HERC4: variants seen among roughly 807,000 people sequenced by gnomAD.
The protein encoded by HERC4 is HECT and RLD domain containing E3 ubiquitin protein ligase 4.
HERC4 carries 28 observed loss-of-function variants against 124.3 expected under a neutral mutation model. That is an observed-to-expected ratio of 0.23 (90% CI 0.17 to 0.31). The LOEUF is 0.31. Ranked by LOEUF, HERC4 falls within the 10% of genes least tolerant of loss-of-function variation. The pLI is 1.00. For synonymous variants in HERC4, 407 were observed against 421.5 expected (o/e 0.97, Z 0.42); for missense variants, 713 against 1,229.3 (o/e 0.58, Z 6.28).
intron 21 of HERC4, among the ~76,000 whole-genome samples, chr10:67,937,554 AAAG>A (rs1381706898): frequency 6.6e-6 from 1 of 152,220 alleles, no homozygotes; most frequent in Non-Finnish European, 1.5e-5. Flanking sequence ...ATCAAATAAA[AAAG>A]AACCAAAATT....
chr10:67,983,780 C>G (rs1183778246), intron 15 of HERC4, among the ~76,000 whole-genome samples: 2 of 86,590 alleles, frequency 2.3e-5, no homozygotes, highest in African/African-American at 9.4e-5. Context: ...GAGGAAGACT[C>G]TGTCTCAAAA....
intron 3 of HERC4, among the ~76,000 whole-genome samples, chr10:68,062,801 C>A (rs1434157492): frequency 3.3e-5 from 5 of 151,972 alleles, no homozygotes; most frequent in Admixed American, 2.0e-4. Flanking sequence ...ACCATCACAG[C>A]CTAACTATTT....
At chr10:67,955,640 G>A (rs1437676934) in intron 17 of HERC4, 1 of 152,636 alleles carries the variant, frequency 6.6e-6, no homozygotes. Flanking sequence ...GCGTGGTGGT[G>A]TGTGCCTGTA....
intron 15 of HERC4, among the ~76,000 whole-genome samples, chr10:67,977,971 A>G (rs560854886): frequency 6.8e-6 from 1 of 147,850 alleles, no homozygotes; most frequent in Admixed American, 6.7e-5. Context: ...ATAGAGCCAG[A>G]CCTTGTCTCA....
At chr10:67,925,869 G>C (rs1280256196) in intron 23 of HERC4, among the ~76,000 whole-genome samples, 2 of 152,152 alleles carry the variant, frequency 1.3e-5, no homozygotes, top group Admixed American at 6.5e-5. Flanking sequence ...ATGTGAGTAA[G>C]CCACCTTGGA....
chr10:67,933,772 T>C (rs2032072735), intron 22 of HERC4, among the ~76,000 whole-genome samples: 1 of 152,218 alleles, frequency 6.6e-6, no homozygotes, highest in African/African-American at 2.4e-5. Context: ...TGCTAGTTCT[T>C]ATTCTAAGTA....
chr10:68,040,218 T>C lies in HERC4; in HGVS notation c.387-2049A>G, dbSNP rs377531760. ...TACTCAGTTACTCTCCTTTCCAAAA[T>C]ACTAACCTAAGGCTTGTAACACACA... On this transcript the variant is annotated intron_variant, in intron 4 of 24. Transcript: ENST00000373700. The C allele has an allele frequency of 6.0e-5, 59 of 983,424 alleles. No homozygotes were observed. The African/African-American group carries it at 9.2e-4, about 15-fold the overall frequency. 60.9% of individuals were successfully genotyped at this position (983,424 alleles called of 1,614,324 possible).
intron 16 of HERC4, among the ~76,000 whole-genome samples, chr10:67,957,431 C>T (rs2132329471): frequency 6.6e-6 from 1 of 152,124 alleles, no homozygotes; most frequent in Admixed American, 6.5e-5. Flanking sequence ...TATTATGAGT[C>T]CAATAATCTC....
chr10:68,047,625 A>G (rs1212769772), intron 3 of HERC4, among the ~76,000 whole-genome samples: 1 of 152,244 alleles, frequency 6.6e-6, no homozygotes, highest in African/African-American at 2.4e-5. Context: ...ACAAACAGAT[A>G]TTTAACTTAT....
chr10:68,049,289 T>G (rs1261133359), intron 3 of HERC4, among the ~76,000 whole-genome samples: 7 of 152,092 alleles, frequency 4.6e-5, no homozygotes, highest in African/African-American at 1.7e-4. Context: ...TGGAATAGTG[T>G]ACATGATTTG....
rs1564910140 is a variant in HERC4 at position 67,927,391 on chromosome 10, TA to T, written c.2839-2205del. Among the ~76,000 whole-genome samples, 17 of 21,602 alleles carry T rather than the reference TA, an allele frequency of 7.9e-4. 1 individual carries two copies. The highest frequency in any genetic ancestry group is 3.8e-3 in the Admixed American group (7 of 1,828). The allele number at this position is 21,602 out of a possible 152,430, so 14.2% of individuals were successfully genotyped here. On this transcript the variant is annotated intron_variant, in intron 23 of 24. Transcript: ENST00000373700. The stretch of plus-strand genomic sequence containing the variant: ...AGAATAAATACACCATATATATATA[TA>T]TATATATATATATATATATATATAT...
intron 15 of HERC4, among the ~76,000 whole-genome samples, chr10:67,985,319 TA>T (rs1352207835): frequency 1.3e-5 from 2 of 152,350 alleles, no homozygotes; most frequent in South Asian, 2.1e-4. Flanking sequence ...AAGCACATAG[TA>T]GGCACTCTAT....
chr10:68,033,555 G>C (rs1256397192), intron 6 of HERC4, among the ~76,000 whole-genome samples: 1 of 152,136 alleles, frequency 6.6e-6, no homozygotes, highest in African/African-American at 2.4e-5. Context: ...AATGTTAAAA[G>C]TGAAGCCCAA....
At chr10:67,994,251 G>A (rs2036725239) in intron 9 of HERC4, 1 of 151,934 alleles carries the variant, frequency 6.6e-6, no homozygotes. Context: ...AATCTATATG[G>A]AATTGCTCAT....
intron 15 of HERC4, among the ~76,000 whole-genome samples, chr10:67,974,322 T>C (rs1005196183): frequency 2.2e-4 from 33 of 152,012 alleles, no homozygotes; most frequent in African/African-American, 7.5e-4. Flanking sequence ...TATAGAGATG[T>C]TGCACTTAAG....
intron 14 of HERC4, 31 bp from the exon 15 acceptor site, chr10:67,988,866 A>C: frequency 6.5e-7 from 1 of 1,540,708 alleles, no homozygotes; most frequent in Non-Finnish European, 8.8e-7. Flanking sequence ...TGCAAATAAA[A>C]TGAATTTTTT....
At chr10:67,938,566 A>G (rs1423026013) in intron 21 of HERC4, among the ~76,000 whole-genome samples, 1 of 152,000 alleles carries the variant, frequency 6.6e-6, no homozygotes, top group Non-Finnish European at 1.5e-5. Flanking sequence ...ATACTTATGG[A>G]TTTTCTCTTA....
intron 9 of HERC4, among the ~76,000 whole-genome samples, chr10:67,998,570 G>GA (rs918691760): frequency 1.3e-5 from 2 of 148,968 alleles, no homozygotes; most frequent in African/African-American, 5.0e-5. Flanking sequence ...AAAAGGGGGG[G>GA]GGGTACAGTA....
intron 3 of HERC4, among the ~76,000 whole-genome samples, chr10:68,057,840 C>T (rs1005038558): frequency 2.0e-5 from 3 of 151,820 alleles, no homozygotes; most frequent in African/African-American, 4.8e-5. Flanking sequence ...GCTGGGATTA[C>T]AAGCGTGCAT....
Sources: allele counts gnomAD v4.1 joint callset (sites outside exome capture counted in the v4.1 genomes callset), GRCh38; gene constraint gnomAD v4.1.1; transcripts MANE v1.5; gene names NCBI Gene and HGNC (gene_info 2026-07-23, HGNC 2026-07-21).